Variants in GRIN2A observed in about 807,000 individuals in gnomAD.
GRIN2A encodes the protein glutamate receptor ionotropic, NMDA 2A.
GRIN2A carries 22 observed loss-of-function variants against 113.4 expected under a neutral mutation model. The ratio of observed to expected loss-of-function variants is 0.19; its 90% CI spans 0.14 to 0.28. The LOEUF (loss-of-function observed/expected upper bound fraction) is 0.28. Among genes scored for constraint, GRIN2A ranks in the 10% least tolerant of loss-of-function variants. GRIN2A has a pLI of 1.00. For missense variants in GRIN2A, 1,502 were observed against 1,887.0 expected, an observed-to-expected ratio of 0.80 and a Z score of 3.78; for synonymous variants, 827 against 738.4, an observed-to-expected ratio of 1.12 and a Z score of -1.94.
chr16:10,015,264 AAAAAAAAG>A (rs2046584450), intron 2 of GRIN2A, among the ~76,000 whole-genome samples: 1 of 134,598 alleles, frequency 7.4e-6, no homozygotes, highest in Non-Finnish European at 1.6e-5. Context: ...AAAAAAAAAA[AAAAAAAAG>A]AAAAAAAAAA....
intron 10 of GRIN2A, among the ~76,000 whole-genome samples, chr16:9,810,524 T>A (rs1023237331): frequency 2.0e-5 from 3 of 152,124 alleles, no homozygotes; most frequent in Admixed American, 2.0e-4. Flanking sequence ...GGGTCCTAAC[T>A]CCAACGGCTG....
In GRIN2A at chr16:9,775,903, G is replaced by A. The variant is rs114839548; in HGVS notation, c.2357-6814C>T. On this transcript the variant is annotated intron_variant, in intron 11 of 12. Coordinates refer to ENST00000330684, the MANE Select transcript of GRIN2A (RefSeq NM_001134407.3). Reference sequence around the variant, plus strand: ...AATGTCTCATTCAAATTGCAAATGTGTACAATGGTGCTACCATGTGGAGGA... The same window carrying A: ...AATGTCTCATTCAAATTGCAAATGTATACAATGGTGCTACCATGTGGAGGA... Among the ~76,000 whole-genome samples, 431 of 152,262 alleles carry A rather than the reference G, an allele frequency of 2.8e-3. 3 individuals carry two copies. Among genetic ancestry groups the A allele is most frequent in the African/African-American group, 9.7e-3 (401 of 41,534 alleles).
chr16:9,832,673 T>A (rs1300359652), intron 8 of GRIN2A, among the ~76,000 whole-genome samples: 1 of 152,180 alleles, frequency 6.6e-6, no homozygotes, highest in Non-Finnish European at 1.5e-5. Context: ...AAGCCCTGAT[T>A]ATGCAAATAT....
intron 2 of GRIN2A, among the ~76,000 whole-genome samples, chr16:10,069,378 G>A (rs917143388): frequency 1.3e-5 from 2 of 152,226 alleles, no homozygotes; most frequent in Non-Finnish European, 2.9e-5. Flanking sequence ...AAAAGGCTAA[G>A]TGTCATCCAG....
chr16:9,948,519 A>T (rs1469399318), intron 2 of GRIN2A, among the ~76,000 whole-genome samples: 1 of 152,220 alleles, frequency 6.6e-6, no homozygotes, highest in Non-Finnish European at 1.5e-5. Flanking sequence ...TCCTGGTGCC[A>T]GGTGACCTCT....
intron 3 of GRIN2A, among the ~76,000 whole-genome samples, chr16:9,914,208 C>A (rs1339641424): frequency 2.6e-5 from 4 of 151,908 alleles, no homozygotes; most frequent in Admixed American, 2.6e-4. Flanking sequence ...AAAAAAACGG[C>A]AAATCTTAGT....
At chr16:10,013,433 T>C (rs543150965) in intron 2 of GRIN2A, among the ~76,000 whole-genome samples, 90 of 152,354 alleles carry the variant, frequency 5.9e-4, no homozygotes, top group African/African-American at 2.1e-3. Context: ...GGGTCTGCTC[T>C]CAAGCACAGC....
chr16:10,100,320 A>G (rs1447984924), intron 2 of GRIN2A, among the ~76,000 whole-genome samples: 4 of 152,226 alleles, frequency 2.6e-5, no homozygotes, highest in African/African-American at 9.6e-5. Context: ...GAGAGGATAG[A>G]TTTTGAGCAA....
At chr16:9,867,788 G>A (rs28515206) in intron 4 of GRIN2A, among the ~76,000 whole-genome samples, 2 of 151,868 alleles carry the variant, frequency 1.3e-5, no homozygotes, top group African/African-American at 4.8e-5. Context: ...CATCTGACTT[G>A]TCTTTCCTCT....
At chr16:9,899,102 G>A (rs914459027) in intron 3 of GRIN2A, among the ~76,000 whole-genome samples, 3 of 151,878 alleles carry the variant, frequency 2.0e-5, no homozygotes, top group Non-Finnish European at 4.4e-5. Flanking sequence ...TGTTCCCCGT[G>A]AACAATTAAA....
At chr16:9,850,475 T>C (rs566281181) in intron 4 of GRIN2A, among the ~76,000 whole-genome samples, 1 of 151,850 alleles carries the variant, frequency 6.6e-6, no homozygotes, top group African/African-American at 2.4e-5. Context: ...AAGCACAACA[T>C]AGGTACTCCA....
chr16:10,082,557 A>G (rs1005351586), intron 2 of GRIN2A, among the ~76,000 whole-genome samples: 1 of 152,308 alleles, frequency 6.6e-6, no homozygotes, highest in African/African-American at 2.4e-5. Context: ...CAAAAGGGAG[A>G]TTACCCAAGG....
chr16:10,064,178 G>C (rs1379468548), intron 2 of GRIN2A, among the ~76,000 whole-genome samples: 4 of 152,126 alleles, frequency 2.6e-5, no homozygotes, highest in Non-Finnish European at 5.9e-5. Context: ...TCTTCCACGA[G>C]AACAGATATT....
At chr16:10,072,926 A>C (rs948729705) in intron 2 of GRIN2A, among the ~76,000 whole-genome samples, 1 of 149,940 alleles carries the variant, frequency 6.7e-6, no homozygotes, top group Non-Finnish European at 1.5e-5. Flanking sequence ...CAAGATGAGG[A>C]AACTCAGTGA....
intron 2 of GRIN2A, among the ~76,000 whole-genome samples, chr16:10,113,345 A>G (rs1979087): frequency 0.93 from 141,880 of 152,240 alleles, 66,943 homozygotes; most frequent in East Asian, 1. Flanking sequence ...CTAGGCCAAG[A>G]GGAGGTCTCT....
chr16:9,776,331 C>T (rs1039160701), intron 11 of GRIN2A, among the ~76,000 whole-genome samples: 50 of 144,456 alleles, frequency 3.5e-4, no homozygotes, highest in African/African-American at 1.3e-3. Flanking sequence ...GTAATTGTCA[C>T]TGGGAGGTGA....
chr16:10,080,780 C>T (rs1389864035), intron 2 of GRIN2A, among the ~76,000 whole-genome samples: 2 of 152,146 alleles, frequency 1.3e-5, no homozygotes, highest in Non-Finnish European at 2.9e-5. Context: ...CATCCAAACA[C>T]CCACCTCAAG....
At chr16:9,778,488 T>C (rs1901742871) in intron 11 of GRIN2A, among the ~76,000 whole-genome samples, 1 of 152,222 alleles carries the variant, frequency 6.6e-6, no homozygotes, top group Non-Finnish European at 1.5e-5. Context: ...GAGGACTTTT[T>C]AATATCACAA....
intron 2 of GRIN2A, among the ~76,000 whole-genome samples, chr16:10,039,803 G>C (rs771168581): frequency 2.6e-5 from 2 of 77,080 alleles, no homozygotes; most frequent in Admixed American, 2.6e-4. Context: ...GGAGGGGGAG[G>C]GGGGGGAGAA....
Sources: gnomAD v4.1 joint callset for allele counts (sites outside exome capture counted in the v4.1 genomes callset) on GRCh38, gnomAD v4.1.1 for gene constraint, MANE v1.5 for transcripts, NCBI Gene and HGNC (gene_info 2026-07-23, HGNC 2026-07-21) for gene names.